DAB1: variants seen among roughly 807,000 people sequenced by gnomAD.
The protein encoded by DAB1 is DAB adaptor protein 1, also known as disabled homolog 1.
Under a neutral mutation model 64.6 loss-of-function variants are expected in DAB1, and 15 were observed. The ratio of observed to expected loss-of-function variants is 0.23; its 90% CI spans 0.16 to 0.36. The LOEUF is 0.36. Among genes scored for constraint, DAB1 ranks in the 10% least tolerant of loss-of-function variants. DAB1 has a pLI of 1.00. For synonymous variants in DAB1, 235 were observed against 251.9 expected (o/e 0.93, Z 0.64); for missense variants, 596 against 706.7 (o/e 0.84, Z 1.78).
intron 7 of DAB1, among the ~76,000 whole-genome samples, chr1:57,506,571 G>A (rs1644346511): frequency 6.6e-6 from 1 of 152,188 alleles, no homozygotes; most frequent in South Asian, 2.1e-4. Context: ...CTGGGCTGGG[G>A]CCAATCAATG....
At chr1:58,259,277 T>C (rs1660999958) in intron 4 of DAB1, among the ~76,000 whole-genome samples, 1 of 152,154 alleles carries the variant, frequency 6.6e-6, no homozygotes, top group Non-Finnish European at 1.5e-5. Flanking sequence ...AGGACAGGAT[T>C]TCATGAGAAG....
chr1:58,311,787 C>G (rs1169087359), intron 4 of DAB1, among the ~76,000 whole-genome samples: 1 of 152,186 alleles, frequency 6.6e-6, no homozygotes, highest in African/African-American at 2.4e-5. Flanking sequence ...CCCAGTAAGT[C>G]TCTTGCACTT....
chr1:57,618,531 G>A (rs1211895230), intron 7 of DAB1, among the ~76,000 whole-genome samples: 1 of 151,924 alleles, frequency 6.6e-6, no homozygotes, highest in Non-Finnish European at 1.5e-5. Context: ...CTGGTACTTT[G>A]CTTTTACATT....
chr1:58,495,150 T>C (rs1489018479), intron 3 of DAB1, among the ~76,000 whole-genome samples: 3 of 152,172 alleles, frequency 2.0e-5, no homozygotes. Flanking sequence ...ACCATCATTC[T>C]CAGCAAACTA....
At chr1:57,744,703 C>T (rs548703229) in intron 6 of DAB1, among the ~76,000 whole-genome samples, 11 of 152,206 alleles carry the variant, frequency 7.2e-5, no homozygotes, top group Admixed American at 5.2e-4. Flanking sequence ...AAAGAAGATT[C>T]GATGAGGTAC....
intron 1 of DAB1, chr1:57,866,534 G>C (rs1654308295): frequency 6.6e-6 from 1 of 152,146 alleles, no homozygotes. Context: ...CCTTAGTGAA[G>C]AGTACAATTC....
chr1:57,370,716 A>G (rs1478430776), intron 1 of DAB1, among the ~76,000 whole-genome samples: 1 of 152,014 alleles, frequency 6.6e-6, no homozygotes, highest in Non-Finnish European at 1.5e-5. Flanking sequence ...CAAATTTAGC[A>G]TAGTTTTTTA....
At chr1:57,325,758 A>T (rs1446059779) in intron 1 of DAB1, among the ~76,000 whole-genome samples, 1 of 152,176 alleles carries the variant, frequency 6.6e-6, no homozygotes, top group Non-Finnish European at 1.5e-5. Flanking sequence ...AACTCCATGA[A>T]GTTTAAAATG....
intron 5 of DAB1, among the ~76,000 whole-genome samples, chr1:57,927,916 G>C (rs899765792): frequency 6.6e-6 from 1 of 152,076 alleles, no homozygotes; most frequent in Non-Finnish European, 1.5e-5. Flanking sequence ...TTTATCATAT[G>C]TGTACTCATC....
In DAB1 at chr1:58,385,693, A is replaced by C. The variant is rs560515772; in HGVS notation, n.258-42290T>G. Among the ~76,000 whole-genome samples the C allele has an allele frequency of 2.6e-5, 4 of 152,372 alleles. No homozygotes were observed. The East Asian group carries it at 7.7e-4, about 29-fold the overall frequency. On this transcript the variant is annotated intron_variant and non_coding_transcript_variant, in intron 3 of 20. Transcript: ENST00000485760. ...ACACAGATATTGTCCTAATGGACCCAGGATGCAAAGCAGGAGGAAGGCTGC... is the reference window on the plus strand; with the variant it reads ...ACACAGATATTGTCCTAATGGACCCCGGATGCAAAGCAGGAGGAAGGCTGC...
intron 1 of DAB1, among the ~76,000 whole-genome samples, chr1:57,310,149 G>T (rs554050689): frequency 6.6e-6 from 1 of 152,196 alleles, no homozygotes; most frequent in African/African-American, 2.4e-5. Context: ...TATACAATGT[G>T]TCAGGTATTG....
intron 4 of DAB1, among the ~76,000 whole-genome samples, chr1:57,121,152 AG>A (rs1218657766): frequency 2.5e-5 from 3 of 122,114 alleles, no homozygotes; most frequent in East Asian, 4.8e-4. Context: ...GAGGAGGAGG[AG>A]GAGGAGGAGG....
chr1:57,217,444 A>G (rs1666512749), intron 2 of DAB1, among the ~76,000 whole-genome samples: 2 of 152,150 alleles, frequency 1.3e-5, no homozygotes, highest in Admixed American at 1.3e-4. Context: ...AATGACATTG[A>G]GCTACCTCCA....
At chr1:58,133,644 G>C (rs1263693602) in intron 5 of DAB1, among the ~76,000 whole-genome samples, 1 of 152,078 alleles carries the variant, frequency 6.6e-6, no homozygotes, top group African/African-American at 2.4e-5. Flanking sequence ...TAGTTGTTCA[G>C]AGACCTTTTA....
intron 3 of DAB1, among the ~76,000 whole-genome samples, chr1:58,438,586 T>C (rs1387188454): frequency 6.6e-6 from 1 of 152,190 alleles, no homozygotes; most frequent in Non-Finnish European, 1.5e-5. Flanking sequence ...CTGCTTATGT[T>C]TGCTGCTAGC....
At chr1:58,092,860 C>T (rs1210232433) in intron 5 of DAB1, among the ~76,000 whole-genome samples, 1 of 152,206 alleles carries the variant, frequency 6.6e-6, no homozygotes, top group Non-Finnish European at 1.5e-5. Flanking sequence ...CTGCTACCCT[C>T]ACCTAGATGA....
At chr1:57,757,198 ATTTTT>A (rs375166170) in intron 6 of DAB1, among the ~76,000 whole-genome samples, 21,959 of 89,936 alleles carry the variant, frequency 0.24, 2,859 homozygotes, top group East Asian at 0.45. Context: ...CAGGGGCAGA[ATTTTT>A]TTTTTTTTTT....
At chr1:58,074,547 C>CATATATATAT (rs1255233127) in intron 5 of DAB1, 11 of 72,780 alleles carry the variant, frequency 1.5e-4, no homozygotes, top group African/African-American at 6.8e-4. Context: ...TATATATACA[C>CATATATATAT]ACATATATAT....
chr1:57,849,921 C>T (rs777842076), intron 1 of DAB1, among the ~76,000 whole-genome samples: 3 of 152,136 alleles, frequency 2.0e-5, no homozygotes, highest in Non-Finnish European at 1.5e-5. Context: ...AGTCCATTGT[C>T]ACAGATGTGT....
Sources: gnomAD v4.1 joint callset for allele counts (sites outside exome capture counted in the v4.1 genomes callset) on GRCh38, gnomAD v4.1.1 for gene constraint, MANE v1.5 for transcripts, NCBI Gene and HGNC (gene_info 2026-07-23, HGNC 2026-07-21) for gene names.